ZNF385B: variants seen among roughly 807,000 people sequenced by gnomAD.
The protein encoded by ZNF385B is zinc finger protein 533.
ZNF385B carries 23 observed loss-of-function variants against 39.2 expected under a neutral mutation model. The observed-to-expected ratio is 0.59, with a 90% confidence interval of 0.42 to 0.83. ZNF385B has a LOEUF of 0.83. ZNF385B is among the 40% of genes least tolerant of loss of function. ZNF385B has a pLI of 0.00. For synonymous variants in ZNF385B, 205 were observed against 222.6 expected, an observed-to-expected ratio of 0.92 and a Z score of 0.70; for missense variants, 552 against 598.9, an observed-to-expected ratio of 0.92 and a Z score of 0.82.
chr2:179,725,098 A>G, intron 3 of ZNF385B, among the ~76,000 whole-genome samples: 1 of 152,130 alleles, frequency 6.6e-6, no homozygotes, highest in African/African-American at 2.4e-5. Flanking sequence ...CACAACAGTA[A>G]TTAAACTTAT....
At chr2:179,530,123 T>C (rs971134305) in intron 4 of ZNF385B, among the ~76,000 whole-genome samples, 3 of 152,184 alleles carry the variant, frequency 2.0e-5, no homozygotes, top group Non-Finnish European at 2.9e-5. Context: ...AGGCCAAATA[T>C]CTGAGCTAAA....
At chr2:179,726,926 C>T (rs762906324) in intron 3 of ZNF385B, among the ~76,000 whole-genome samples, 5 of 152,008 alleles carry the variant, frequency 3.3e-5, no homozygotes, top group Non-Finnish European at 7.4e-5. Context: ...GGACATTGAG[C>T]TAGTTAATGA....
At chr2:179,732,547 C>A (rs1277537484) in intron 3 of ZNF385B, among the ~76,000 whole-genome samples, 1 of 152,132 alleles carries the variant, frequency 6.6e-6, no homozygotes, top group Non-Finnish European at 1.5e-5. Flanking sequence ...TTAATCAAAC[C>A]TTTCATGCTT....
At chr2:179,692,227 C>T (rs1314976735) in intron 3 of ZNF385B, among the ~76,000 whole-genome samples, 1 of 152,132 alleles carries the variant, frequency 6.6e-6, no homozygotes, top group Non-Finnish European at 1.5e-5. Flanking sequence ...GGTCACTGCT[C>T]TGCTCCCCAC....
intron 3 of ZNF385B, among the ~76,000 whole-genome samples, chr2:179,607,814 A>T (rs1688941252): frequency 6.6e-6 from 1 of 152,166 alleles, no homozygotes. Context: ...TGACAGACAA[A>T]TAAATATTAC....
At chr2:179,572,808 A>G (rs530232717) in intron 3 of ZNF385B, among the ~76,000 whole-genome samples, 1 of 152,002 alleles carries the variant, frequency 6.6e-6, no homozygotes, top group Admixed American at 6.6e-5. Flanking sequence ...TGTGTGCTAG[A>G]CTGTATGGTC....
chr2:179,606,183 C>T (rs148099978), intron 3 of ZNF385B, among the ~76,000 whole-genome samples: 1 of 152,056 alleles, frequency 6.6e-6, no homozygotes, highest in Non-Finnish European at 1.5e-5. Context: ...GATCAACTAG[C>T]AGAAAACATG....
At chr2:179,541,272 G>A (rs1473481243) in intron 4 of ZNF385B, among the ~76,000 whole-genome samples, 4 of 152,098 alleles carry the variant, frequency 2.6e-5, no homozygotes, top group Non-Finnish European at 5.9e-5. Flanking sequence ...ATAAGGCAAG[G>A]CAACCACTAA....
chr2:179,688,482 C>T (rs999546496), intron 3 of ZNF385B, among the ~76,000 whole-genome samples: 13 of 121,460 alleles, frequency 1.1e-4, no homozygotes, highest in South Asian at 3.1e-4. Context: ...CCACCCTGTC[C>T]CCCTGCAAAA....
chr2:179,611,547 C>A (rs753748062), intron 3 of ZNF385B, among the ~76,000 whole-genome samples: 2 of 152,184 alleles, frequency 1.3e-5, no homozygotes, highest in Admixed American at 6.5e-5. Flanking sequence ...CAGGGTAATA[C>A]TGGCCTCGTG....
intron 4 of ZNF385B, among the ~76,000 whole-genome samples, chr2:179,525,743 A>T (rs1376424983): frequency 6.6e-6 from 1 of 152,192 alleles, no homozygotes; most frequent in Non-Finnish European, 1.5e-5. Context: ...ATGGGAAAGG[A>T]TGTGACCATA....
intron 3 of ZNF385B, among the ~76,000 whole-genome samples, chr2:179,769,088 T>G (rs1703865505): frequency 6.6e-6 from 1 of 152,220 alleles, no homozygotes; most frequent in Non-Finnish European, 1.5e-5. Context: ...TAAATAAAGC[T>G]GTAGCTTTTT....
intron 1 of ZNF385B, among the ~76,000 whole-genome samples, chr2:179,850,985 C>A (rs1050362913): frequency 6.6e-6 from 1 of 152,178 alleles, no homozygotes; most frequent in Non-Finnish European, 1.5e-5. Flanking sequence ...GCCATGTGAC[C>A]AGTAATTTGC....
intron 5 of ZNF385B, among the ~76,000 whole-genome samples, chr2:179,489,178 G>A (rs2054935300): frequency 6.6e-6 from 1 of 152,172 alleles, no homozygotes; most frequent in South Asian, 2.1e-4. Context: ...AGGTATTACG[G>A]GCAAAGGGAA....
In ZNF385B at chr2:179,537,365, A is replaced by T. The variant is rs1326370286; in HGVS notation, c.441+7462T>A. 2.0e-5 allele frequency among the ~76,000 whole-genome samples: 3 copies of T among 151,934 alleles called. No homozygotes were observed. The South Asian group carries it at 6.2e-4, about 32-fold the overall frequency. ...AAAAGAAAAGGAAAAAGAAAGGGTG[A>T]GGGACACAATAGTGCAGATGGTCAC... On this transcript the variant is annotated intron_variant, in intron 4 of 9. Transcript: ENST00000410066.
At chr2:179,764,384 T>G (rs532716887) in intron 3 of ZNF385B, among the ~76,000 whole-genome samples, 4 of 135,774 alleles carry the variant, frequency 2.9e-5, no homozygotes, top group South Asian at 2.2e-4. Context: ...TATAGTTGGG[T>G]TTTTTTTTAA....
At chr2:179,607,904 A>T (rs1034004134) in intron 3 of ZNF385B, among the ~76,000 whole-genome samples, 3 of 133,762 alleles carry the variant, frequency 2.2e-5, no homozygotes, top group African/African-American at 8.5e-5. Flanking sequence ...TCTTCTCAGA[A>T]ACTCTTTTTT....
chr2:179,692,187 T>G (rs1698408244), intron 3 of ZNF385B, among the ~76,000 whole-genome samples: 1 of 152,186 alleles, frequency 6.6e-6, no homozygotes, highest in South Asian at 2.1e-4. Context: ...CCCATCATTC[T>G]GCTCTCTATC....
chr2:179,740,325 C>T (rs1196369929), intron 3 of ZNF385B, among the ~76,000 whole-genome samples: 1 of 152,118 alleles, frequency 6.6e-6, no homozygotes, highest in Non-Finnish European at 1.5e-5. Context: ...AGATGATTTG[C>T]TAAATGTCCC....
Sources: allele counts gnomAD v4.1 joint callset (sites outside exome capture counted in the v4.1 genomes callset), GRCh38; gene constraint gnomAD v4.1.1; transcripts MANE v1.5; gene names NCBI Gene and HGNC (gene_info 2026-07-23, HGNC 2026-07-21).